Variants in OCLN observed in about 807,000 individuals in gnomAD.
The protein encoded by OCLN is phosphatase 1, regulatory subunit 115.
Under a neutral mutation model 47.9 loss-of-function variants are expected in OCLN, and 21 were observed. The ratio of observed to expected loss-of-function variants is 0.44; its 90% CI spans 0.31 to 0.63. The LOEUF is 0.63. Ranked by LOEUF, OCLN falls within the 30% of genes least tolerant of loss-of-function variation. The pLI is 0.08. For missense variants in OCLN, 360 were observed against 571.0 expected (o/e 0.63, Z 3.77); for synonymous variants, 117 against 198.4 (o/e 0.59, Z 3.45).
At chr5:69,527,903 AT>A (rs1446613566) in intron 4 of OCLN, among the ~76,000 whole-genome samples, 1 of 151,938 alleles carries the variant, frequency 6.6e-6, no homozygotes, top group African/African-American at 2.4e-5. Flanking sequence ...GGGGCTTAGG[AT>A]TTTATTTATA....
intron 4 of OCLN, among the ~76,000 whole-genome samples, chr5:69,521,271 T>C (rs1228759699): frequency 1.3e-5 from 2 of 152,242 alleles, no homozygotes; most frequent in Non-Finnish European, 2.9e-5. Context: ...CACATAGACC[T>C]AATTGCTCTT....
At chr5:69,516,933 G>A (rs909713563) in intron 4 of OCLN, among the ~76,000 whole-genome samples, 1 of 152,096 alleles carries the variant, frequency 6.6e-6, no homozygotes, top group South Asian at 2.1e-4. Flanking sequence ...GATGATGTAT[G>A]CCTGTAGTCC....
chr5:69,498,928 C>T (rs1561328985), intron 1 of OCLN, among the ~76,000 whole-genome samples: 4 of 152,198 alleles, frequency 2.6e-5, no homozygotes, highest in Admixed American at 1.3e-4. Context: ...ATCCGCCCGT[C>T]TTGGGCTCCC....
intron 4 of OCLN, among the ~76,000 whole-genome samples, chr5:69,519,943 A>G (rs1011188487): frequency 6.6e-6 from 1 of 152,108 alleles, no homozygotes; most frequent in Non-Finnish European, 1.5e-5. Context: ...TCAAGGGCCA[A>G]CTGTATAAAG....
At chr5:69,525,194 T>G (rs1769244624) in intron 4 of OCLN, among the ~76,000 whole-genome samples, 2 of 151,590 alleles carry the variant, frequency 1.3e-5, no homozygotes. Context: ...GAGCTCCACC[T>G]CCCGGGTTGA....
chr5:69,505,570 CATA>C (rs1768576524), intron 2 of OCLN, among the ~76,000 whole-genome samples: 3 of 152,282 alleles, frequency 2.0e-5, no homozygotes, highest in Admixed American at 2.0e-4. Context: ...TTTCACTTAG[CATA>C]ATACTTTCCA....
At chr5:69,518,980 T>A (rs912774446) in intron 4 of OCLN, among the ~76,000 whole-genome samples, 2 of 152,106 alleles carry the variant, frequency 1.3e-5, no homozygotes, top group Non-Finnish European at 2.9e-5. Context: ...CTACAAAAAA[T>A]TTAAAAAATT....
At chr5:69,506,723 T>C (rs1311826334) in intron 2 of OCLN, among the ~76,000 whole-genome samples, 2 of 152,180 alleles carry the variant, frequency 1.3e-5, no homozygotes, top group African/African-American at 4.8e-5. Context: ...TAAATACATA[T>C]TTTACAATAT....
In OCLN at chr5:69,526,581, C is replaced by T. The variant is rs538515461; in HGVS notation, c.892-8113C>T. ...AGAGCTCTAATAACTTATTGACTCT[C>T]AGGGAATTTCAGAATTTACCTTTGG... On this transcript the variant is annotated intron_variant, in intron 4 of 8. Coordinates refer to ENST00000396442, the MANE Select transcript of OCLN (RefSeq NM_001205254.2). Among the ~76,000 whole-genome samples the T allele has an allele frequency of 6.1e-5, 3 of 49,086 alleles. 1 individual carries two copies. Among genetic ancestry groups the T allele is most frequent in the South Asian group, 2.4e-3 (2 of 844 alleles). The allele number at this position is 49,086 out of a possible 152,430, so 32.2% of individuals were successfully genotyped here.
At chr5:69,526,914 A>G (rs1289650793) in intron 4 of OCLN, among the ~76,000 whole-genome samples, 1 of 152,218 alleles carries the variant, frequency 6.6e-6, no homozygotes, top group Non-Finnish European at 1.5e-5. Context: ...CGTGTTACAT[A>G]CATCCCATGT....
chr5:69,513,043 C>T (rs997538968), intron 3 of OCLN, among the ~76,000 whole-genome samples: 3 of 152,186 alleles, frequency 2.0e-5, no homozygotes, highest in African/African-American at 7.2e-5. Flanking sequence ...GCCATTTAGA[C>T]ATGTCCATGG....
At chr5:69,515,144 G>A (rs1331155013) in intron 4 of OCLN, among the ~76,000 whole-genome samples, 5 of 150,040 alleles carry the variant, frequency 3.3e-5, no homozygotes, top group African/African-American at 1.2e-4. Flanking sequence ...GCGGCTGGCC[G>A]GGCGGGGGGC....
chr5:69,500,398 C>T (rs967690459), intron 1 of OCLN, among the ~76,000 whole-genome samples: 51 of 87,094 alleles, frequency 5.9e-4, no homozygotes, highest in Non-Finnish European at 1.3e-3. Context: ...AACGAGCTTT[C>T]TTTTCTTTTT....
chr5:69,515,184 C>T (rs1417071820), intron 4 of OCLN, among the ~76,000 whole-genome samples: 3 of 129,414 alleles, frequency 2.3e-5, no homozygotes, highest in Non-Finnish European at 3.3e-5. Flanking sequence ...CCGGACGGGG[C>T]GGCTGGCCGG....
At chr5:69,520,362 A>G (rs1339597120) in intron 4 of OCLN, among the ~76,000 whole-genome samples, 2 of 147,402 alleles carry the variant, frequency 1.4e-5, no homozygotes, top group Non-Finnish European at 3.0e-5. Context: ...GCGCAGTGGC[A>G]CTATCTCGGC....
chr5:69,549,671 T>C (rs1362640593), intron 7 of OCLN, among the ~76,000 whole-genome samples: 1 of 150,958 alleles, frequency 6.6e-6, no homozygotes, highest in Non-Finnish European at 1.5e-5. Flanking sequence ...TTTGTATACA[T>C]ACTGAAATTA....
intron 1 of OCLN, among the ~76,000 whole-genome samples, chr5:69,498,664 G>T (rs559674443): frequency 6.4e-4 from 98 of 152,028 alleles, no homozygotes; most frequent in African/African-American, 2.3e-3. Context: ...TGGCCTAAAT[G>T]CTCTTGTATA....
At chr5:69,511,510 C>G (rs1053692991) in intron 3 of OCLN, among the ~76,000 whole-genome samples, 32 of 152,190 alleles carry the variant, frequency 2.1e-4, no homozygotes, top group African/African-American at 7.7e-4. Context: ...CTCCTGGGCT[C>G]AAGTGACCCT....
chr5:69,520,771 C>T (rs1017645035), intron 4 of OCLN, among the ~76,000 whole-genome samples: 4 of 152,062 alleles, frequency 2.6e-5, no homozygotes, highest in Non-Finnish European at 4.4e-5. Context: ...CAGCCTCAAA[C>T]TTGTTAATAT....
Sources: allele counts gnomAD v4.1 joint callset (sites outside exome capture counted in the v4.1 genomes callset), GRCh38; gene constraint gnomAD v4.1.1; transcripts MANE v1.5; gene names NCBI Gene and HGNC (gene_info 2026-07-23, HGNC 2026-07-21).